The following TPSG1 variants were observed in gnomAD, a reference collection of about 807,000 sequenced individuals.
TPSG1 encodes tryptase gamma.
In TPSG1, 43 loss-of-function variants were observed where a neutral mutation model predicts 23.8. That is an observed-to-expected ratio of 1.81 (90% CI 1.42 to 2.33). The LOEUF (loss-of-function observed/expected upper bound fraction) is 2.33, where lower values mean the gene tolerates loss of function less well. TPSG1 is among the 30% of genes most tolerant of loss of function. The pLI is 0.00. For synonymous variants in TPSG1, 302 were observed against 201.3 expected (o/e 1.50, Z -4.23); for missense variants, 623 against 438.6 (o/e 1.42, Z -3.75).
In TPSG1 at chr16:1,223,361, G is replaced by C. The variant is rs557403435; in HGVS notation, c.245+62C>G. On this transcript the variant is annotated intron_variant, in intron 3 of 5. Coordinates refer to ENST00000234798, the MANE Select transcript of TPSG1 (RefSeq NM_012467.4). ...GTCAAGACCAAGTGGAGGCCTCTGC[G>C]CTGGCGCATGCCCCACTGGGGCCTG... The C allele has an allele frequency of 5.6e-5, 83 of 1,494,512 alleles. No homozygotes were observed. In the Admixed American group the frequency reaches 1.9e-3, roughly 34 times the overall value. 92.6% of individuals were successfully genotyped at this position (1,494,512 alleles called of 1,614,324 possible).
rs774830128 is a variant in TPSG1 at position 1,221,870 on chromosome 16, AG to A, written c.883del (p.Leu295PhefsTer3). 39 of 1,612,032 alleles carry A rather than the reference AG, an allele frequency of 2.4e-5. No homozygotes were observed. The African/African-American group carries it at 4.4e-4, about 18-fold the overall frequency. On this transcript the variant is annotated frameshift_variant, in exon 6 of 6. Coordinates refer to ENST00000234798, the MANE Select transcript of TPSG1 (RefSeq NM_012467.4). LOFTEE classifies it low-confidence loss of function (END_TRUNC). ...CAGCAGGACACAGGAGACTAGCAGA[AG>A]GAAGAGGCCGGGGAGGAAGAAGCCA... ...LAGFFLPGLF[L>X]LLVSCVLLAK...
At chr16:1,223,983 G>A (rs2030010562) in intron 2 of TPSG1, 3 of 259,840 alleles carry the variant, frequency 1.2e-5, no homozygotes, top group Non-Finnish European at 7.2e-6. Flanking sequence ...GGAGATATTC[G>A]AAGCTGGATA....
At position 1,222,891 on chromosome 16, in the gene TPSG1, A is replaced by G. The variant is rs1365953639; in HGVS notation, c.272T>C (p.Val91Ala). ...AGTGATCTCCAGTTCCCCCAGGTGCACCTGGTAGTCGGATGAGTTCAGGGA... is the reference window on the plus strand; with the variant it reads ...AGTGATCTCCAGTTCCCCCAGGTGCGCCTGGTAGTCGGATGAGTTCAGGGA... ...SGSLNSSDYQ[V>A]HLGELEITLS... Residue 91 changes from valine to alanine, a missense_variant, in exon 4 of 6, where the codon GTG becomes GCG. Transcript: ENST00000234798. 3 of 1,608,478 alleles carry G rather than the reference A, an allele frequency of 1.9e-6. No individual in the cohort carries two copies. In the African/African-American group the frequency reaches 4.0e-5, roughly 21 times the overall value.
chr16:1,224,849 G>C, intron 1 of TPSG1: 1 of 622,604 alleles, frequency 1.6e-6, no homozygotes, highest in South Asian at 2.0e-5. Context: ...CCGGGAGCTT[G>C]GCCTCAGGCC....
chr16:1,224,765 G>T, intron 1 of TPSG1, 137 bp from the exon 2 acceptor site: 1 of 1,077,272 alleles, frequency 9.3e-7, no homozygotes, highest in Non-Finnish European at 1.4e-6. Context: ...GGCCTGGTGA[G>T]GCTGGGTCAA....
At position 1,222,665 on chromosome 16, in the gene TPSG1, A is replaced by G. The variant is rs146943632; in HGVS notation, c.498T>C (p.Tyr166=). 5.4e-5 allele frequency: 85 copies of G among 1,563,914 alleles called. No individual in the cohort carries two copies. The Admixed American group carries it at 6.2e-4, about 11-fold the overall frequency. ...GGGGCTCCTCACCTCCCTCCCGCGTATAGCCCCAGCCGGTCACCCAGCACC... is the reference window on the plus strand; with the variant it reads ...GGGGCTCCTCACCTCCCTCCCGCGTGTAGCCCCAGCCGGTCACCCAGCACC... The part of the protein sequence containing the change: ...GIRCWVTGWG[Y]TREGEPLPPP... Residue 166 remains tyrosine, a synonymous_variant, in exon 4 of 6, where the codon TAT becomes TAC. Transcript: ENST00000234798.
chr16:1,225,186 C>T (rs1232224629), intron 1 of TPSG1, 21 bp downstream of exon 1: 2 of 1,566,336 alleles, frequency 1.3e-6, no homozygotes, highest in Admixed American at 1.9e-5. Flanking sequence ...CCCATCCCCA[C>T]ACCCAGGCCA....
At position 1,222,755 on chromosome 16, in the gene TPSG1, G is replaced by A; in HGVS notation, c.408C>T (p.Thr136=). 6.2e-7 allele frequency: 1 copy of A among 1,612,252 alleles called. No homozygotes were observed. Among genetic ancestry groups the A allele is most frequent in the Non-Finnish European group, 8.5e-7 (1 of 1,179,620 alleles). The change falls in exon 4 of 6, where the codon ACC becomes ACT. Residue 136 remains threonine (T), a synonymous_variant. Coordinates refer to ENST00000234798, the MANE Select transcript of TPSG1 (RefSeq NM_012467.4). ...AGACGGGCAGGATCCGGCTGGAGAG[G>A]GTCACGGGGACACTGAGCTCCACCA... The part of the protein sequence containing the change: ...IALVELSVPV[T]LSSRILPVCL...
rs201921574 is a variant in TPSG1, at chr16:1,223,562, C to G, written c.106G>C (p.Gly36Arg). Residue 36 changes from glycine to arginine, a missense_variant, in exon 3 of 6, where the codon GGC becomes CGC. Gly to Arg is a moderately radical substitution (Grantham distance 125). Transcript: ENST00000234798. Reference sequence around the variant, plus strand: ...GCAGCGTGACCCCCCACGATCCGGCCGCCTGCATCCGAAACCTGCGGCCGG... The same window carrying G: ...GCAGCGTGACCCCCCACGATCCGGCGGCCTGCATCCGAAACCTGCGGCCGG... Reference protein sequence around the residue: ...CGRPQVSDAGGRIVGGHAAPA... With the variant: ...CGRPQVSDAGRRIVGGHAAPA... 3 of 1,544,234 alleles carry G rather than the reference C, an allele frequency of 1.9e-6. No individual in the cohort carries two copies. The African/African-American group carries it at 4.1e-5, about 21-fold the overall frequency.
intron 2 of TPSG1, chr16:1,223,900 G>A (rs1044910350): frequency 2.3e-6 from 1 of 434,290 alleles, no homozygotes; most frequent in African/African-American, 2.1e-5. Context: ...GCTCAGAACG[G>A]TGGAGCCCCC....
rs549241059 is a variant in TPSG1 at position 1,222,007 on chromosome 16, G to A, written c.747C>T (p.Pro249=). The change falls in exon 6 of 6, where the codon CCC becomes CCT. Residue 249 remains proline (P), a synonymous_variant. Coordinates refer to ENST00000234798, the MANE Select transcript of TPSG1 (RefSeq NM_012467.4). ...CACGAGTGTAGACTCCCGGCCTGTT[G>A]GGGCGGCCGCAGCCCTCACCCCAGC... ...TVSWGEGCGR[P]NRPGVYTRVP... The A allele has an allele frequency of 1.2e-6, 2 of 1,612,370 alleles. No homozygotes were observed. Among genetic ancestry groups the A allele is most frequent in the Admixed American group, 1.7e-5 (1 of 59,974 alleles).
chr16:1,224,759 T>G, intron 1 of TPSG1, 131 bp from the exon 2 acceptor site: 1 of 1,129,988 alleles, frequency 8.8e-7, no homozygotes, highest in African/African-American at 1.6e-5. Context: ...GGGCCCGGCC[T>G]GGTGAGGCTG....
At position 1,224,642 on chromosome 16, in the gene TPSG1, G is replaced by A. The variant is rs76027825; in HGVS notation, c.47-14C>T. 2.5e-3 allele frequency: 4,102 copies of A among 1,613,686 alleles called. 97 individuals are homozygous for A. The African/African-American group carries it at 0.046, about 18-fold the overall frequency. ...TGAGGGACACACCTGTGGGAAAGAC[G>A]AAGGGCCCAGGATGGAGGGGGCTGC... On this transcript the variant is annotated splice_polypyrimidine_tract_variant and intron_variant, in intron 1 of 5. Transcript: ENST00000234798.
Position 1,221,898 on chromosome 16 carries a change from C to A in TPSG1, c.856G>T (p.Ala286Ser). 1 of 1,611,170 alleles carries A rather than the reference C, an allele frequency of 6.2e-7. No homozygotes were observed. The highest frequency in any genetic ancestry group is 8.5e-7 in the Non-Finnish European group (1 of 1,179,104). The stretch of plus-strand genomic sequence containing the variant: ...AAGAGGCCGGGGAGGAAGAAGCCAG[C>A]CAGGAGGGGGAGCCTGGGGTACCCA... ...ESGYPRLPLLAGFFLPGLFLL... is the reference protein window; with the variant it reads ...ESGYPRLPLLSGFFLPGLFLL... The change falls in exon 6 of 6, where the codon GCT becomes TCT. Residue 286 changes from alanine to serine, a missense_variant. By Grantham distance (99) the Ala-to-Ser change is moderately conservative. Transcript: ENST00000234798.
chr16:1,221,722 G>T lies in TPSG1; in HGVS notation c.*66C>A. 1 of 1,430,330 alleles carries T rather than the reference G, an allele frequency of 7.0e-7. No homozygotes were observed. 88.6% of individuals were successfully genotyped at this position (1,430,330 alleles called of 1,614,324 possible). Reference sequence around the variant, plus strand: ...GATGCAGAAGACTCAGCTTCTCAAGGGAGAGGGAGGGGGCGGAGCGGAATA... The same window carrying T: ...GATGCAGAAGACTCAGCTTCTCAAGTGAGAGGGAGGGGGCGGAGCGGAATA... On this transcript the variant is annotated 3_prime_UTR_variant, in exon 6 of 6. Transcript: ENST00000234798.
Position 1,223,433 on chromosome 16 carries a change from A to G in TPSG1, c.235T>C (p.Cys79Arg). ...SPQWVLTAAH[C>R]FSGSLNSSDY... Reference sequence around the variant, plus strand: ...CACCCGGACACTCACCCGGAGAAGCAGTGGGCAGCTGTGAGCACCCACTGG... The same window carrying G: ...CACCCGGACACTCACCCGGAGAAGCGGTGGGCAGCTGTGAGCACCCACTGG... The change falls in exon 3 of 6, where the codon TGC becomes CGC. Residue 79 changes from cysteine to arginine, a missense_variant. Cys to Arg is a radical substitution (Grantham distance 180). Coordinates refer to ENST00000234798, the MANE Select transcript of TPSG1 (RefSeq NM_012467.4). 2 of 1,586,066 alleles carry G rather than the reference A, an allele frequency of 1.3e-6. No homozygotes were observed. Among genetic ancestry groups the G allele is most frequent in the South Asian group, 2.3e-5 (2 of 87,094 alleles).
rs992931392 is a variant in TPSG1, at chr16:1,221,688, C to G, written c.*100G>C. ...GCTTTTAAATTCAGGTTAAATGTTG[C>G]AATAATCTGATGCAGAAGACTCAGC... is the stretch of plus-strand genomic sequence containing the variant. On this transcript the variant is annotated 3_prime_UTR_variant, in exon 6 of 6. Transcript: ENST00000234798. 8.3e-7 allele frequency: 1 copy of G among 1,210,000 alleles called. No individual in the cohort carries two copies. Among genetic ancestry groups the G allele is most frequent in the East Asian group, 2.5e-5 (1 of 39,404 alleles). 75.0% of individuals were successfully genotyped at this position (1,210,000 alleles called of 1,614,324 possible).
intron 2 of TPSG1, chr16:1,223,887 G>T (rs116860921): frequency 0.045 from 21,240 of 467,076 alleles, 670 homozygotes; most frequent in Middle Eastern, 0.069. Flanking sequence ...CGGCTAGAAA[G>T]GGGCTCAGAA....
intron 1 of TPSG1, 48 bp from the exon 2 acceptor site, chr16:1,224,676 G>T: frequency 1.2e-6 from 2 of 1,612,652 alleles, no homozygotes; most frequent in Non-Finnish European, 1.7e-6. Context: ...GCCAAGGAGA[G>T]GGGTGTGCGG....
Sources: allele counts gnomAD v4.1 joint callset, GRCh38; gene constraint gnomAD v4.1.1; transcripts MANE v1.5; gene names NCBI Gene and HGNC (gene_info 2026-07-23, HGNC 2026-07-21).